The following MTA3 variants were observed in gnomAD, a reference collection of about 807,000 sequenced individuals.
MTA3 encodes metastasis associated 1 family member 3.
A neutral mutation model predicts 83.5 loss-of-function variants in MTA3; 34 were observed. The ratio of observed to expected loss-of-function variants is 0.41; its 90% CI spans 0.31 to 0.54. MTA3 has a LOEUF of 0.54. MTA3 is among the 20% of genes least tolerant of loss of function. The probability of loss-of-function intolerance (pLI) is 0.33; values close to 1 mark genes in which losing one functional copy is unlikely to be tolerated. For missense variants in MTA3, 761 were observed against 726.4 expected (o/e 1.05, Z -0.55); for synonymous variants, 303 against 252.7 (o/e 1.20, Z -1.89).
intron 16 of MTA3, among the ~76,000 whole-genome samples, chr2:42,751,785 A>G (rs1259118731): frequency 6.6e-6 from 1 of 152,220 alleles, no homozygotes; most frequent in Non-Finnish European, 1.5e-5. Context: ...GTTTAATTCC[A>G]TAAGGGTTTA....
At chr2:42,534,543 G>A (rs1442573257) in intron 2 of MTA3, among the ~76,000 whole-genome samples, 1 of 152,036 alleles carries the variant, frequency 6.6e-6, no homozygotes, top group Admixed American at 6.6e-5. Flanking sequence ...GTTGCAGTGA[G>A]CCAAGATCGA....
chr2:42,577,114 A>T (rs1679140972), intron 2 of MTA3, among the ~76,000 whole-genome samples: 1 of 100,406 alleles, frequency 1.0e-5, no homozygotes, highest in South Asian at 3.7e-4. Flanking sequence ...AAATATATAT[A>T]TATATATATA....
chr2:42,548,846 A>AATAT (rs377534429), intron 2 of MTA3, among the ~76,000 whole-genome samples: 272 of 15,032 alleles, frequency 0.018, 45 homozygotes, highest in African/African-American at 0.058. Context: ...ATATATATAT[A>AATAT]ATATATATAT....
At position 42,754,574 on chromosome 2, in the gene MTA3, G is replaced by A. The variant is rs1027141596; in HGVS notation, c.*1175G>A. On this transcript the variant is annotated 3_prime_UTR_variant, in exon 17 of 17. Transcript: ENST00000405094. ...GCTGCAAGGATAGGAATAGCTCAGC[G>A]CCCGATGAGCTCCCTGAGCAGATGT... The A allele has an allele frequency of 1.1e-5, 11 of 985,470 alleles. No homozygotes were observed. The highest frequency in any genetic ancestry group is 1.2e-5 in the Non-Finnish European group (10 of 829,970). The allele number at this position is 985,470 out of a possible 1,614,324, so 61.0% of individuals were successfully genotyped here. A position where few individuals can be genotyped will look rare whatever the true frequency, so the allele number is the denominator to read the frequency against.
intron 4 of MTA3, among the ~76,000 whole-genome samples, chr2:42,611,304 G>A (rs1336294882): frequency 3.4e-5 from 4 of 117,984 alleles, no homozygotes; most frequent in Non-Finnish European, 7.1e-5. Context: ...ACTTTCTAAA[G>A]CTCTGGTACT....
At chr2:42,594,728 A>ATATATATATATATATATATT in intron 3 of MTA3, among the ~76,000 whole-genome samples, 11 of 24,044 alleles carry the variant, frequency 4.6e-4, no homozygotes, top group Non-Finnish European at 5.8e-4. Flanking sequence ...ATATATATAT[A>ATATATATATATATATATATT]TTTTTTTTTT....
At chr2:42,561,367 G>C (rs1677667423) in intron 2 of MTA3, among the ~76,000 whole-genome samples, 1 of 151,000 alleles carries the variant, frequency 6.6e-6, no homozygotes, top group South Asian at 2.1e-4. Flanking sequence ...CTGTTGCCCA[G>C]GCTGGAGTGC....
chr2:42,722,514 T>C (rs745944043), intron 15 of MTA3, among the ~76,000 whole-genome samples: 10 of 152,294 alleles, frequency 6.6e-5, no homozygotes, highest in East Asian at 1.9e-4. Context: ...CAGAAGTGTT[T>C]TACCCCCCTC....
intron 4 of MTA3, among the ~76,000 whole-genome samples, chr2:42,636,510 C>G (rs946669508): frequency 3.3e-5 from 5 of 152,084 alleles, no homozygotes; most frequent in African/African-American, 7.2e-5. Context: ...CCGCTGCACT[C>G]CAGCCTGGGT....
intron 2 of MTA3, among the ~76,000 whole-genome samples, chr2:42,571,947 C>CAA (rs1260024595): frequency 7.1e-5 from 7 of 99,038 alleles, no homozygotes; most frequent in Non-Finnish European, 1.0e-4. Context: ...AACTCCGTCT[C>CAA]AAAAAAAAAA....
chr2:42,602,178 T>C (rs1682659488), intron 3 of MTA3, among the ~76,000 whole-genome samples: 1 of 152,166 alleles, frequency 6.6e-6, no homozygotes. Context: ...GGTTTCATCC[T>C]GTTGCCTAGG....
intron 16 of MTA3, among the ~76,000 whole-genome samples, chr2:42,743,328 TC>T (rs1282122720): frequency 1.3e-5 from 2 of 152,176 alleles, no homozygotes; most frequent in African/African-American, 4.8e-5. Flanking sequence ...GAGAAAGACT[TC>T]TTGTGAAGTG....
At chr2:42,653,796 A>G (rs887204209) in intron 6 of MTA3, among the ~76,000 whole-genome samples, 6 of 152,236 alleles carry the variant, frequency 3.9e-5, no homozygotes, top group South Asian at 4.1e-4. Flanking sequence ...ATAAACATCA[A>G]TTGTAGTCTT....
rs577618152 is a variant in MTA3 at position 42,659,159 on chromosome 2, C to T, written c.603-604C>T. ...ATAGCAAACATGTTTAAAATACAGG[C>T]AGGAAAAGCAGTGAGTCTTCATTTT... On this transcript the variant is annotated intron_variant, in intron 7 of 16. Transcript: ENST00000405094. Among the ~76,000 whole-genome samples the T allele has an allele frequency of 2.6e-5, 4 of 152,010 alleles. No homozygotes were observed. In the East Asian group the frequency reaches 7.7e-4, roughly 29 times the overall value.
chr2:42,752,228 T>A (rs771719786), intron 16 of MTA3: 8 of 471,330 alleles, frequency 1.7e-5, no homozygotes, highest in South Asian at 1.2e-4. Flanking sequence ...ATCTTCCCTA[T>A]CCTAGAAAAG....
intron 14 of MTA3, among the ~76,000 whole-genome samples, chr2:42,717,968 A>G (rs1323579676): frequency 6.6e-6 from 1 of 152,218 alleles, no homozygotes; most frequent in Non-Finnish European, 1.5e-5. Flanking sequence ...TAGAAATGCC[A>G]TGGCTAGAAA....
At chr2:42,724,010 G>A (rs1667621869) in intron 16 of MTA3, among the ~76,000 whole-genome samples, 1 of 152,154 alleles carries the variant, frequency 6.6e-6, no homozygotes, top group African/African-American at 2.4e-5. Context: ...TGGTTGTCAA[G>A]AATTTAGCTA....
Position 42,734,169 on chromosome 2 carries a change from CTG to C in MTA3, c.1759+11136_1759+11137del, listed in dbSNP as rs201078606. ...ATTGTTTTGTGGTCTCTCTCTCTCT[CTG>C]TAGTGCAAATAATATTTGCTTTATG... On this transcript the variant is annotated intron_variant, in intron 16 of 16. Coordinates refer to ENST00000405094, the MANE Select transcript of MTA3 (RefSeq NM_001330442.2). 2.4e-3 allele frequency among the ~76,000 whole-genome samples: 346 copies of C among 144,204 alleles called. 7 individuals are homozygous for C. The highest frequency in any genetic ancestry group is 0.021 in the Admixed American group (300 of 14,380). The allele number at this position is 144,204 out of a possible 152,430, so 94.6% of individuals were successfully genotyped here. A position where few individuals can be genotyped will look rare whatever the true frequency, so the allele number is the denominator to read the frequency against.
At chr2:42,738,774 G>C (rs895145028) in intron 16 of MTA3, among the ~76,000 whole-genome samples, 2 of 152,186 alleles carry the variant, frequency 1.3e-5, no homozygotes, top group Non-Finnish European at 2.9e-5. Flanking sequence ...GCGCACGTAG[G>C]GGTAGCTCTC....
Sources: allele counts gnomAD v4.1 joint callset (sites outside exome capture counted in the v4.1 genomes callset), GRCh38; gene constraint gnomAD v4.1.1; transcripts MANE v1.5; gene names NCBI Gene and HGNC (gene_info 2026-07-23, HGNC 2026-07-21).